Variants in CEP120 observed in about 807,000 individuals in gnomAD.
CEP120 encodes the protein centrosomal protein 120.
CEP120 carries 113 observed loss-of-function variants against 126.5 expected under a neutral mutation model. The ratio of observed to expected loss-of-function variants is 0.89; its 90% CI spans 0.77 to 1.04. The LOEUF (loss-of-function observed/expected upper bound fraction) is 1.04. CEP120 is among the 50% of genes least tolerant of loss of function. CEP120 has a pLI of 0.00. For synonymous variants in CEP120, 400 were observed against 394.3 expected (o/e 1.01, Z -0.17); for missense variants, 1,230 against 1,155.7 (o/e 1.06, Z -0.93).
intron 7 of CEP120, 180 bp from the exon 8 acceptor site, chr5:123,390,320 T>C: frequency 1.5e-6 from 1 of 673,920 alleles, no homozygotes. Flanking sequence ...AAAAGGAAGA[T>C]GAACAGAGGA....
intron 13 of CEP120, 142 bp downstream of exon 13, chr5:123,382,594 AT>A (rs1562039886): frequency 5.5e-6 from 4 of 731,392 alleles, no homozygotes; most frequent in Non-Finnish European, 8.1e-6. Flanking sequence ...TGATTCTCAA[AT>A]TTTTTTAAGT....
chr5:123,382,175 A>C lies in CEP120; in HGVS notation c.2039T>G (p.Met680Arg). Residue 680 changes from methionine (M) to arginine (R), a missense_variant, in exon 14 of 20, where the codon ATG becomes AGG. Physicochemically the swap from Met to Arg is moderately conservative, Grantham distance 91 (BLOSUM62 -1). Transcript: ENST00000306467. The stretch of plus-strand genomic sequence containing the variant: ...CTTCCATTCCTCTGCAAGAGCCTGC[A>C]TATGAGCCAGTTCTTTCTGCTTCAG... ...NQLKQKELAH[M>R]QALAEEWKKR... 6.2e-7 allele frequency: 1 copy of C among 1,609,750 alleles called. No individual in the cohort carries two copies. Among genetic ancestry groups the C allele is most frequent in the Non-Finnish European group, 8.5e-7 (1 of 1,178,060 alleles).
chr5:123,350,142 TTA>T (rs1251784275), intron 18 of CEP120, 53 bp from the exon 19 acceptor site: 2 of 1,461,132 alleles, frequency 1.4e-6, no homozygotes, highest in African/African-American at 2.8e-5. Context: ...AACAAATATT[TTA>T]TATGACTTTG....
chr5:123,382,816 G>A lies in CEP120; in HGVS notation c.1934C>T (p.Pro645Leu), dbSNP rs145348334. The A allele has an allele frequency of 6.8e-6, 11 of 1,613,318 alleles. No individual in the cohort carries two copies. Among genetic ancestry groups the A allele is most frequent in the Non-Finnish European group, 9.3e-6 (11 of 1,179,648 alleles). ...TGCTTTGTATTCTAACGTTTCACGAGGCTCTGTCTGGATCTCTGAAGGACA... is the reference window on the plus strand; with the variant it reads ...TGCTTTGTATTCTAACGTTTCACGAAGCTCTGTCTGGATCTCTGAAGGACA... ...APCPSEIQTEPRETLEYKAAL... is the reference protein window; with the variant it reads ...APCPSEIQTELRETLEYKAAL... The change falls in exon 13 of 20, where the codon CCT becomes CTT. Residue 645 changes from proline to leucine, a missense_variant. Coordinates refer to ENST00000306467, the MANE Select transcript of CEP120 (RefSeq NM_001375405.1).
At chr5:123,370,673 G>A (rs1408109415) in intron 17 of CEP120, among the ~76,000 whole-genome samples, 1 of 82,468 alleles carries the variant, frequency 1.2e-5, no homozygotes, top group East Asian at 2.9e-4. Context: ...ATACATATAT[G>A]TGTGTGTGTG....
chr5:123,399,149 G>A lies in CEP120; in HGVS notation c.599C>T (p.Thr200Ile). 2 of 1,608,960 alleles carry A rather than the reference G, an allele frequency of 1.2e-6. No individual in the cohort carries two copies. Among genetic ancestry groups the A allele is most frequent in the East Asian group, 4.5e-5 (2 of 44,826 alleles). Residue 200 changes from threonine to isoleucine, a missense_variant, in exon 5 of 20, where the codon ACC (threonine) becomes ATC (isoleucine). Physicochemically the swap from Thr to Ile is moderately conservative, Grantham distance 89. Coordinates refer to ENST00000306467, the MANE Select transcript of CEP120 (RefSeq NM_001375405.1). The part of the protein sequence containing the change: ...FIMSVTIAFA[T>I]QLEQLIPCTM... ...GAAAAGTCTCACCTGTTCCAACTGG[G>A]TAGCAAATGCTATGGTCACTGACAT...
chr5:123,385,475 G>C (rs560698804), intron 10 of CEP120, among the ~76,000 whole-genome samples: 5 of 152,206 alleles, frequency 3.3e-5, no homozygotes, highest in African/African-American at 1.2e-4. Flanking sequence ...AGAAGCAATA[G>C]GCTATTCCAC....
In CEP120 at chr5:123,372,709, G is replaced by C. The variant is rs141424761; in HGVS notation, c.2422C>G (p.Gln808Glu). Residue 808 changes from glutamine to glutamate, a missense_variant, in exon 17 of 20, where the codon CAA (glutamine) becomes GAA (glutamate). Physicochemically the swap from Gln to Glu is conservative, Grantham distance 29. Transcript: ENST00000306467. ...EKEFQQFKDQ[Q>E]NNKPEIRLQS... ...AGACGGATTTCTGGTTTGTTGTTTT[G>C]CTGGTCCTTGAACTGTTGGAACTCT... The C allele has an allele frequency of 6.2e-7, 1 of 1,610,810 alleles. No homozygotes were observed. The highest frequency in any genetic ancestry group is 8.5e-7 in the Non-Finnish European group (1 of 1,178,100).
At chr5:123,376,815 G>A (rs79906949) in intron 16 of CEP120, among the ~76,000 whole-genome samples, 4 of 152,166 alleles carry the variant, frequency 2.6e-5, no homozygotes, top group African/African-American at 4.8e-5. Context: ...ATGAAATCAC[G>A]AATAAGATTG....
intron 5 of CEP120, among the ~76,000 whole-genome samples, chr5:123,393,884 T>C (rs751405545): frequency 6.6e-6 from 1 of 152,200 alleles, no homozygotes; most frequent in Non-Finnish European, 1.5e-5. Flanking sequence ...ATGTTATGAA[T>C]GAGGAAAGGT....
intron 2 of CEP120, 140 bp downstream of exon 2, chr5:123,418,219 A>G (rs1774495774): frequency 3.2e-6 from 2 of 624,254 alleles, no homozygotes; most frequent in Non-Finnish European, 4.8e-6. Flanking sequence ...CCCATCCCCA[A>G]GGTATCTTTG....
Position 123,403,708 on chromosome 5 carries a change from T to C in CEP120, c.464-4424A>G, listed in dbSNP as rs186609269. 6 of 422,844 alleles carry C rather than the reference T, an allele frequency of 1.4e-5. No individual in the cohort carries two copies. The Admixed American group carries it at 1.7e-4, about 12-fold the overall frequency. 26.2% of individuals were successfully genotyped at this position (422,844 alleles called of 1,614,324 possible). On this transcript the variant is annotated intron_variant, in intron 4 of 19. Transcript: ENST00000306467. ...TTGTGCACCACCTGATAAGATGCAATGGGAAGAACGTGGCATCTGTTCGAT... is the reference window on the plus strand; with the variant it reads ...TTGTGCACCACCTGATAAGATGCAACGGGAAGAACGTGGCATCTGTTCGAT...
At chr5:123,367,517 C>T (rs1206850815) in intron 17 of CEP120, among the ~76,000 whole-genome samples, 1 of 151,866 alleles carries the variant, frequency 6.6e-6, no homozygotes, top group Non-Finnish European at 1.5e-5. Context: ...AGAAATGCAT[C>T]TCAGACTTCA....
chr5:123,406,479 CG>C (rs1773675595), intron 4 of CEP120, among the ~76,000 whole-genome samples: 1 of 114,468 alleles, frequency 8.7e-6, no homozygotes, highest in South Asian at 2.9e-4. Context: ...AGAAGCCAAA[CG>C]GGAAAAAAAA....
In CEP120 at chr5:123,402,037, C is replaced by G. The variant is rs1773283133; in HGVS notation, c.464-2753G>C. Reference sequence around the variant, plus strand: ...AACCGTACCTTGTCTATGAAGGAGGCAAACTTGTTGTTGAGGGTCTTGATC... The same window carrying G: ...AACCGTACCTTGTCTATGAAGGAGGGAAACTTGTTGTTGAGGGTCTTGATC... On this transcript the variant is annotated intron_variant, in intron 4 of 19. Coordinates refer to ENST00000306467, the MANE Select transcript of CEP120 (RefSeq NM_001375405.1). 5 of 1,601,752 alleles carry G rather than the reference C, an allele frequency of 3.1e-6. No homozygotes were observed. In the Admixed American group the frequency reaches 5.0e-5, roughly 16 times the overall value.
chr5:123,401,349 C>T, intron 4 of CEP120: 1 of 1,588,642 alleles, frequency 6.3e-7, no homozygotes, highest in South Asian at 1.1e-5. Flanking sequence ...ATGGCGGCCT[C>T]CAGGAAAGCC....
chr5:123,402,199 C>T lies in CEP120; in HGVS notation c.464-2915G>A, dbSNP rs1364291422. ...GCCCCACCACAGCCGCCGCCCAGGCCACCCCGAAAGCAGCTGCTGCCCACT... is the reference window on the plus strand; with the variant it reads ...GCCCCACCACAGCCGCCGCCCAGGCTACCCCGAAAGCAGCTGCTGCCCACT... On this transcript the variant is annotated intron_variant, in intron 4 of 19. Transcript: ENST00000306467. 22 of 1,563,708 alleles carry T rather than the reference C, an allele frequency of 1.4e-5. No individual in the cohort carries two copies. The South Asian group carries it at 1.7e-4, about 12-fold the overall frequency.
At chr5:123,391,401 A>C in intron 6 of CEP120, 64 bp from the exon 7 acceptor site, 1 of 1,266,854 alleles carries the variant, frequency 7.9e-7, no homozygotes, top group South Asian at 1.3e-5. Flanking sequence ...AAATATCATA[A>C]ACTTAATAAG....
At position 123,416,117 on chromosome 5, in the gene CEP120, G is replaced by T. The variant is rs368379427; in HGVS notation, c.214C>A (p.Arg72Ser). ...AAACATTGGAGTTTGATAGGAGTAC[G>T]CTGTAGCCTATAACAAAACATGTGA... ...RKALHQHRLQ[R>S]TPIKLQCFAL... Residue 72 changes from arginine to serine, a missense_variant, in exon 3 of 20, where the codon CGT (arginine) becomes AGT (serine). Physicochemically the swap from Arg to Ser is moderately radical, Grantham distance 110. Coordinates refer to ENST00000306467, the MANE Select transcript of CEP120 (RefSeq NM_001375405.1). 16 of 1,596,944 alleles carry T rather than the reference G, an allele frequency of 1.0e-5. No individual in the cohort carries two copies. The highest frequency in any genetic ancestry group is 1.7e-5 in the Admixed American group (1 of 59,326).
Sources: gnomAD v4.1 joint callset for allele counts (sites outside exome capture counted in the v4.1 genomes callset) on GRCh38, gnomAD v4.1.1 for gene constraint, MANE v1.5 for transcripts, NCBI Gene and HGNC (gene_info 2026-07-23, HGNC 2026-07-21) for gene names.